Variants in ZNF521 observed in about 807,000 individuals in gnomAD.
ZNF521 encodes the protein zinc finger protein 521.
In ZNF521, 14 loss-of-function variants were observed where a neutral mutation model predicts 105.5. The observed-to-expected ratio is 0.13, with a 90% confidence interval of 0.09 to 0.21. The LOEUF (loss-of-function observed/expected upper bound fraction) is 0.21. ZNF521 is among the 10% of genes least tolerant of loss of function. The pLI is 1.00. For missense variants in ZNF521, 1,233 were observed against 1,629.7 expected, an observed-to-expected ratio of 0.76 and a Z score of 4.19; for synonymous variants, 635 against 606.0, an observed-to-expected ratio of 1.05 and a Z score of -0.70.
intron 5 of ZNF521, among the ~76,000 whole-genome samples, chr18:25,159,360 C>A (rs935012559): frequency 6.6e-6 from 1 of 152,040 alleles, no homozygotes; most frequent in African/African-American, 2.4e-5. Flanking sequence ...CCAGGAATAT[C>A]CTGGGGGCAG....
chr18:25,322,185 G>T lies in ZNF521; in HGVS notation c.43C>A (p.Pro15Thr). Residue 15 changes from proline to threonine, a missense_variant and splice_region_variant, in exon 3 of 8, where the codon CCC becomes ACC. Physicochemically the swap from Pro to Thr is conservative, Grantham distance 38. This residue lies in a region of ZNF521 where 76 missense variants were observed against 79.3 expected (regional missense o/e 0.96). Coordinates refer to ENST00000361524, the MANE Select transcript of ZNF521 (RefSeq NM_015461.3). ...GTCTTGTCTTCAAGTTTACAGTTGG[G>T]GTCTGAAAAATATCAACACTGTAAG... ...KQAKPRSLKD[P>T]NCKLEDKTED... is the part of the protein sequence containing the mutation. The T allele has an allele frequency of 6.2e-7, 1 of 1,613,862 alleles. No homozygotes were observed. The highest frequency in any genetic ancestry group is 8.5e-7 in the Non-Finnish European group (1 of 1,179,922).
At chr18:25,071,987 G>C (rs551299137) in intron 7 of ZNF521, among the ~76,000 whole-genome samples, 1 of 152,312 alleles carries the variant, frequency 6.6e-6, no homozygotes, top group Admixed American at 6.5e-5. Context: ...CAGAAGGCAG[G>C]GGGCAGAGGG....
chr18:25,318,981 T>C (rs1912792143), intron 3 of ZNF521, among the ~76,000 whole-genome samples: 3 of 148,882 alleles, frequency 2.0e-5, no homozygotes, highest in Admixed American at 6.7e-5. Context: ...AAAAGAAAAA[T>C]TGCTGGCTGA....
chr18:25,169,513 G>T (rs2035409588), intron 5 of ZNF521, among the ~76,000 whole-genome samples: 1 of 152,082 alleles, frequency 6.6e-6, no homozygotes. Context: ...CAATTTTTGT[G>T]TTGAGATTTG....
At chr18:25,081,127 C>T (rs1205671706) in intron 7 of ZNF521, among the ~76,000 whole-genome samples, 1 of 109,528 alleles carries the variant, frequency 9.1e-6, no homozygotes, top group Non-Finnish European at 1.8e-5. Flanking sequence ...TGAACATTTC[C>T]AGGGGGTGGG....
chr18:25,238,249 T>TA (rs371275297), intron 3 of ZNF521, among the ~76,000 whole-genome samples: 3 of 152,108 alleles, frequency 2.0e-5, no homozygotes, highest in South Asian at 2.1e-4. Context: ...GTTTCTCTTT[T>TA]AAAAAAAATT....
chr18:25,285,325 T>C (rs1384877993), intron 3 of ZNF521, among the ~76,000 whole-genome samples: 1 of 152,168 alleles, frequency 6.6e-6, no homozygotes, highest in Non-Finnish European at 1.5e-5. Flanking sequence ...ATGTAGGCAT[T>C]GTAAAAGGAA....
At chr18:25,095,696 T>C (rs529688483) in intron 5 of ZNF521, among the ~76,000 whole-genome samples, 25 of 152,222 alleles carry the variant, frequency 1.6e-4, no homozygotes, top group African/African-American at 6.0e-4. Context: ...AAAAATTAGA[T>C]AGGAAATGAG....
intron 3 of ZNF521, among the ~76,000 whole-genome samples, chr18:25,238,757 C>T (rs1313083898): frequency 6.6e-6 from 1 of 152,178 alleles, no homozygotes; most frequent in African/African-American, 2.4e-5. Context: ...TGACACAGGG[C>T]AGCATTTCTT....
At chr18:25,148,985 T>C (rs78140681) in intron 5 of ZNF521, among the ~76,000 whole-genome samples, 2,805 of 152,250 alleles carry the variant, frequency 0.018, 79 homozygotes, top group African/African-American at 0.062. Flanking sequence ...ATAAAACAAA[T>C]GTACAGAAGA....
intron 3 of ZNF521, among the ~76,000 whole-genome samples, chr18:25,304,776 C>T (rs1911876473): frequency 6.6e-6 from 1 of 152,126 alleles, no homozygotes; most frequent in Non-Finnish European, 1.5e-5. Flanking sequence ...TTTGAAGAGT[C>T]ACAGAATTTA....
At chr18:25,236,835 C>A (rs9964322) in intron 3 of ZNF521, among the ~76,000 whole-genome samples, 57,713 of 151,886 alleles carry the variant, frequency 0.38, 12,576 homozygotes, top group African/African-American at 0.61. Flanking sequence ...TTCTTAAAAT[C>A]ATCTTTAGTT....
At chr18:25,310,136 A>G (rs1440385892) in intron 3 of ZNF521, among the ~76,000 whole-genome samples, 1 of 152,186 alleles carries the variant, frequency 6.6e-6, no homozygotes, top group Non-Finnish European at 1.5e-5. Flanking sequence ...GAGGTCATCA[A>G]AATGGGCACA....
intron 5 of ZNF521, among the ~76,000 whole-genome samples, chr18:25,191,468 A>G (rs969623116): frequency 2.0e-5 from 3 of 152,146 alleles, no homozygotes; most frequent in African/African-American, 7.2e-5. Context: ...AGCCGCTTGC[A>G]ATTTGCTCAC....
chr18:25,207,300 T>A (rs8092915), intron 4 of ZNF521, among the ~76,000 whole-genome samples: 6,074 of 151,872 alleles, frequency 0.04, 418 homozygotes, highest in African/African-American at 0.14. Flanking sequence ...CATGAAAACA[T>A]CCACATGTAC....
At position 25,227,442 on chromosome 18, in the gene ZNF521, C is replaced by T. The variant is rs762018322; in HGVS notation, c.476G>A (p.Arg159His). The change falls in exon 4 of 8, where the codon CGC becomes CAC. Residue 159 changes from arginine to histidine, a missense_variant. Physicochemically the swap from Arg to His is conservative, Grantham distance 29 (BLOSUM62 0). This residue lies in a region of ZNF521 where 85 missense variants were observed against 162.2 expected (regional missense o/e 0.52). Coordinates refer to ENST00000361524, the MANE Select transcript of ZNF521 (RefSeq NM_015461.3). The surrounding 1 kb of genome is among the most constrained non-coding windows in gnomAD (Gnocchi z 5.7). ...TYCSRLFKHK[R>H]SRDRHIKLHT... is the part of the protein sequence containing the mutation. The stretch of plus-strand genomic sequence containing the variant: ...GAGTTTTATGTGGCGATCTCGGCTG[C>T]GCTTGTGTTTGAACAGCCTACTGCA... 3 of 1,613,758 alleles carry T rather than the reference C, an allele frequency of 1.9e-6. No homozygotes were observed. The highest frequency in any genetic ancestry group is 1.7e-6 in the Non-Finnish European group (2 of 1,179,936).
chr18:25,249,474 T>C (rs1369184729), intron 3 of ZNF521, among the ~76,000 whole-genome samples: 1 of 151,480 alleles, frequency 6.6e-6, no homozygotes, highest in Non-Finnish European at 1.5e-5. Context: ...TCTTTCTTTT[T>C]TTTTTTTAAG....
Position 25,119,732 on chromosome 18 carries a change from T to G in ZNF521, c.3659-27651A>C, listed in dbSNP as rs146626399. On this transcript the variant is annotated intron_variant, in intron 5 of 7. Coordinates refer to ENST00000361524, the MANE Select transcript of ZNF521 (RefSeq NM_015461.3). ...GATGCTTGTATTAGAAACATAAAAT[T>G]GTCTAAAACTAATGACTTAAGTTTT... is the stretch of plus-strand genomic sequence containing the variant. 2.1e-3 allele frequency among the ~76,000 whole-genome samples: 323 copies of G among 151,966 alleles called. 2 individuals carry two copies. The highest frequency in any genetic ancestry group is 7.3e-3 in the African/African-American group (303 of 41,466).
chr18:25,150,319 AT>A lies in ZNF521; in HGVS notation c.3658+44840del, dbSNP rs1362758129. Among the ~76,000 whole-genome samples, 3 of 152,252 alleles carry A rather than the reference AT, an allele frequency of 2.0e-5. No homozygotes were observed. The East Asian group carries it at 5.8e-4, about 29-fold the overall frequency. The stretch of plus-strand genomic sequence containing the variant: ...GTGGGTGAGGGATAAAAGACTACAA[AT>A]TGAGTACAGTGTATACTGCTTCGGT... On this transcript the variant is annotated intron_variant, in intron 5 of 7. Transcript: ENST00000361524.
Sources: allele counts gnomAD v4.1 joint callset (sites outside exome capture counted in the v4.1 genomes callset), GRCh38; gene constraint gnomAD v4.1.1; regional missense constraint gnomAD v4.1.1; non-coding constraint Gnocchi (gnomAD v3.1); transcripts MANE v1.5; gene names NCBI Gene and HGNC (gene_info 2026-07-23, HGNC 2026-07-21).